NAA30: variants seen among roughly 807,000 people sequenced by gnomAD.
NAA30 encodes the protein N-alpha-acetyltransferase 30.
Under a neutral mutation model 31.4 loss-of-function variants are expected in NAA30, and 5 were observed. That is an observed-to-expected ratio of 0.16 (90% CI 0.08 to 0.33). NAA30 has a LOEUF of 0.33. Ranked by LOEUF, NAA30 falls within the 10% of genes least tolerant of loss-of-function variation. The pLI is 1.00. For missense variants in NAA30, 428 were observed against 490.8 expected (o/e 0.87, Z 1.21); for synonymous variants, 222 against 207.1 (o/e 1.07, Z -0.62).
intron 3 of NAA30, among the ~76,000 whole-genome samples, chr14:57,398,572 C>T (rs2066460699): frequency 6.6e-6 from 1 of 152,138 alleles, no homozygotes; most frequent in South Asian, 2.1e-4. Flanking sequence ...ATTCTTGTGC[C>T]TCAGCCTCCC....
At chr14:57,400,783 GTT>G (rs2066472214) in intron 4 of NAA30, among the ~76,000 whole-genome samples, 1 of 152,040 alleles carries the variant, frequency 6.6e-6, no homozygotes. Context: ...GTATGCATGT[GTT>G]TTTGTTAACA....
At chr14:57,408,529 C>T (rs145807821) in intron 4 of NAA30, among the ~76,000 whole-genome samples, 13 of 152,246 alleles carry the variant, frequency 8.5e-5, no homozygotes, top group African/African-American at 2.2e-4. Context: ...GTCCCTTGAC[C>T]GCAGCAACAT....
intron 3 of NAA30, among the ~76,000 whole-genome samples, chr14:57,398,366 TG>T (rs2066459949): frequency 6.6e-6 from 1 of 152,332 alleles, no homozygotes; most frequent in African/African-American, 2.4e-5. Flanking sequence ...CAGTGGCTTT[TG>T]GGTTGCATCC....
intron 2 of NAA30, among the ~76,000 whole-genome samples, chr14:57,393,682 G>C (rs948609781): frequency 1.3e-5 from 2 of 152,040 alleles, no homozygotes; most frequent in Non-Finnish European, 2.9e-5. Context: ...AAGAACCAAA[G>C]TGACTTAAAA....
rs914140744 is a variant in NAA30, at chr14:57,391,080, C to T, written c.123C>T (p.Asp41=). 2 of 1,545,842 alleles carry T rather than the reference C, an allele frequency of 1.3e-6. No individual in the cohort carries two copies. The highest frequency in any genetic ancestry group is 8.7e-7 in the Non-Finnish European group (1 of 1,150,248). The change falls in exon 2 of 5, where the codon GAC becomes GAT. Residue 41 remains aspartate, a synonymous_variant. Transcript: ENST00000556492. The surrounding 1 kb of genome is among the most constrained non-coding windows in gnomAD (Gnocchi z 4.1). ...AGAALACCSE[D]EEDDEEHEGG... is the part of the protein sequence containing the mutation. ...CCGCCCTCGCCTGCTGCAGCGAGGACGAGGAGGACGACGAAGAGCACGAAG... is the reference window on the plus strand; with the variant it reads ...CCGCCCTCGCCTGCTGCAGCGAGGATGAGGAGGACGACGAAGAGCACGAAG...
chr14:57,408,744 T>C (rs1407329615), intron 4 of NAA30, among the ~76,000 whole-genome samples: 1 of 152,196 alleles, frequency 6.6e-6, no homozygotes, highest in Non-Finnish European at 1.5e-5. Flanking sequence ...ATTTTAGGCT[T>C]TGTGGACCAT....
At position 57,391,004 on chromosome 14, in the gene NAA30, C is replaced by T. The variant is rs1291409061; in HGVS notation, c.47C>T (p.Ala16Val). 1.3e-6 allele frequency: 2 copies of T among 1,497,160 alleles called. No homozygotes were observed. The highest frequency in any genetic ancestry group is 2.5e-5 in the East Asian group (1 of 40,552). The allele number at this position is 1,497,160 out of a possible 1,614,324, so 92.7% of individuals were successfully genotyped here. A position where few individuals can be genotyped will look rare whatever the true frequency, so the allele number is the denominator to read the frequency against. The change falls in exon 2 of 5, where the codon GCA (alanine) becomes GTA (valine). Residue 16 changes from alanine (A) to valine (V), a missense_variant. Physicochemically the swap from Ala to Val is moderately conservative, Grantham distance 64 (BLOSUM62 0). Around this residue, in one of 2 missense-constraint regions of NAA30, gnomAD observed 349 missense variants for 310.4 expected, o/e 1.12. Transcript: ENST00000556492. The surrounding 1 kb of genome is among the most constrained non-coding windows in gnomAD (Gnocchi z 4.1). The stretch of plus-strand genomic sequence containing the variant: ...CCTAGCAGCCTCCTCCCACCACCAG[C>T]ACCTCCGGCCCCGGCGGCGGTCGAG... ...PGPSSLLPPP[A>V]PPAPAAVEPR...
intron 4 of NAA30, among the ~76,000 whole-genome samples, chr14:57,403,898 C>T (rs1433691515): frequency 1.3e-5 from 2 of 152,174 alleles, no homozygotes; most frequent in East Asian, 3.9e-4. Context: ...AGAATATGGG[C>T]AGGTGATTGA....
At chr14:57,392,504 G>T (rs1163803046) in intron 2 of NAA30, among the ~76,000 whole-genome samples, 1 of 151,864 alleles carries the variant, frequency 6.6e-6, no homozygotes, top group Admixed American at 6.6e-5. Flanking sequence ...AATATTACAC[G>T]TAAGTGAAAG....
rs1372729948 is a variant in NAA30, at chr14:57,391,112, G to T, written c.155G>T (p.Gly52Val). ...EEDDEEHEGG[G>V]SRSPAGGESA... ...GACGACGAAGAGCACGAAGGCGGCGGCAGCAGGAGCCCGGCGGGCGGAGAG... is the reference window on the plus strand; with the variant it reads ...GACGACGAAGAGCACGAAGGCGGCGTCAGCAGGAGCCCGGCGGGCGGAGAG... Residue 52 changes from glycine to valine, a missense_variant, in exon 2 of 5, where the codon GGC (glycine) becomes GTC (valine). Coordinates refer to ENST00000556492, the MANE Select transcript of NAA30 (RefSeq NM_001011713.3). The surrounding 1 kb of genome is among the most constrained non-coding windows in gnomAD (Gnocchi z 4.1). The T allele has an allele frequency of 1.9e-6, 3 of 1,575,720 alleles. No homozygotes were observed.
chr14:57,406,742 A>C (rs928986205), intron 4 of NAA30, among the ~76,000 whole-genome samples: 1 of 152,204 alleles, frequency 6.6e-6, no homozygotes, highest in Non-Finnish European at 1.5e-5. Context: ...TTTTAGCTAT[A>C]ATTAGGTGCT....
Position 57,396,769 on chromosome 14 carries a change from G to A in NAA30, c.789G>A (p.Glu263=), listed in dbSNP as rs1396226248. The A allele has an allele frequency of 3.1e-6, 5 of 1,614,076 alleles. No homozygotes were observed. In the East Asian group the frequency reaches 8.9e-5, roughly 29 times the overall value. Residue 263 remains glutamate (E), a synonymous_variant, in exon 3 of 5, where the codon GAG becomes GAA. Coordinates refer to ENST00000556492, the MANE Select transcript of NAA30 (RefSeq NM_001011713.3). ...QLCFLAMVGE[E]CVGAIVCKLD... ...TTTTTAAGGCCATGGTAGGGGAGGA[G>A]TGTGTAGGTGCCATCGTTTGCAAGT...
Position 57,391,570 on chromosome 14 carries a change from G to C in NAA30, c.613G>C (p.Val205Leu). The C allele has an allele frequency of 6.2e-7, 1 of 1,614,212 alleles. No individual in the cohort carries two copies. The highest frequency in any genetic ancestry group is 8.5e-7 in the Non-Finnish European group (1 of 1,180,040). ...CSLRSPSGRE[V>L]EPGEDRTIRY... ...CTTAAGAAGCCCTTCGGGCAGGGAGGTTGAGCCTGGGGAGGATCGGACGAT... is the reference window on the plus strand; with the variant it reads ...CTTAAGAAGCCCTTCGGGCAGGGAGCTTGAGCCTGGGGAGGATCGGACGAT... Residue 205 changes from valine (V) to leucine (L), a missense_variant, in exon 2 of 5, where the codon GTT becomes CTT. Around this residue, in one of 2 missense-constraint regions of NAA30, gnomAD observed 349 missense variants for 310.4 expected, o/e 1.12. Transcript: ENST00000556492. This position sits in a 1 kb window ranked among gnomAD's most constrained non-coding sequence, Gnocchi z 4.1.
intron 4 of NAA30, among the ~76,000 whole-genome samples, chr14:57,405,925 CTG>C (rs2066496560): frequency 6.6e-6 from 1 of 152,078 alleles, no homozygotes; most frequent in Non-Finnish European, 1.5e-5. Flanking sequence ...TGGAATTTCA[CTG>C]TAATTTTTTT....
intron 1 of NAA30, 105 bp downstream of exon 1, chr14:57,390,810 G>T: frequency 1.4e-6 from 1 of 733,972 alleles, no homozygotes; most frequent in Non-Finnish European, 2.0e-6. Context: ...GAGCGGGGGG[G>T]TGGCGGGGAA....
chr14:57,405,327 ATTCT>A (rs2066493970), intron 4 of NAA30, among the ~76,000 whole-genome samples: 2 of 151,902 alleles, frequency 1.3e-5, no homozygotes, highest in Non-Finnish European at 2.9e-5. Flanking sequence ...AGGTACAGTC[ATTCT>A]TTTTCCCCCA....
At position 57,411,928 on chromosome 14, in the gene NAA30, T is replaced by G. The variant is rs2066525055; in HGVS notation, c.*2412T>G. On this transcript the variant is annotated 3_prime_UTR_variant, in exon 5 of 5. Transcript: ENST00000556492. Reference sequence around the variant, plus strand: ...CTGAAATTGGTAGCATGGGTTCACTTGGCTACAACTGAGCAAAATAGATGC... The same window carrying G: ...CTGAAATTGGTAGCATGGGTTCACTGGGCTACAACTGAGCAAAATAGATGC... 1 of 152,160 alleles carries G rather than the reference T, an allele frequency of 6.6e-6. No homozygotes were observed. The highest frequency in any genetic ancestry group is 1.5e-5 in the Non-Finnish European group (1 of 67,994). The allele number at this position is 152,160 out of a possible 1,614,324, so 9.4% of individuals were successfully genotyped here.
intron 4 of NAA30, among the ~76,000 whole-genome samples, chr14:57,406,043 T>C (rs1594753261): frequency 6.6e-6 from 1 of 152,212 alleles, no homozygotes; most frequent in East Asian, 1.9e-4. Flanking sequence ...AATATGTTTA[T>C]AAGAATTTAA....
chr14:57,405,437 A>ATATATATG, intron 4 of NAA30, among the ~76,000 whole-genome samples: 1 of 149,944 alleles, frequency 6.7e-6, no homozygotes, highest in East Asian at 2.0e-4. Context: ...ATATATATAT[A>ATATATATG]AAACATCTTT....
Sources: gnomAD v4.1 joint callset for allele counts (sites outside exome capture counted in the v4.1 genomes callset) on GRCh38, gnomAD v4.1.1 for gene constraint, gnomAD v4.1.1 regional missense constraint, Gnocchi (gnomAD v3.1) non-coding constraint, MANE v1.5 for transcripts, NCBI Gene and HGNC (gene_info 2026-07-23, HGNC 2026-07-21) for gene names.